The following CCDC18 variants were observed in gnomAD, a reference collection of about 807,000 sequenced individuals.
CCDC18 encodes the protein coiled-coil domain-containing protein 18.
In CCDC18, 157 loss-of-function variants were observed where a neutral mutation model predicts 196.0. That is an observed-to-expected ratio of 0.80 (90% confidence interval 0.70 to 0.91). The LOEUF is 0.91. Among genes scored for constraint, CCDC18 ranks in the 40% least tolerant of loss-of-function variants. The pLI is 0.00. For missense variants in CCDC18, 1,465 were observed against 1,611.6 expected (o/e 0.91, Z 1.56); for synonymous variants, 482 against 529.2 (o/e 0.91, Z 1.22).
chr1:93,230,359 G>C (rs1331348049), intron 17 of CCDC18, among the ~76,000 whole-genome samples: 1 of 151,672 alleles, frequency 6.6e-6, no homozygotes, highest in Non-Finnish European at 1.5e-5. Flanking sequence ...GGGCGTGGTG[G>C]TGGGCGCCTG....
intron 20 of CCDC18, 81 bp from the exon 21 acceptor site, chr1:93,239,602 T>C (rs1468930789): frequency 9.8e-6 from 13 of 1,326,094 alleles, no homozygotes; most frequent in Non-Finnish European, 1.4e-5. Flanking sequence ...TAGATGAATA[T>C]AATTGAATAT....
chr1:93,211,305 G>C (rs980513331), intron 10 of CCDC18, among the ~76,000 whole-genome samples: 1 of 150,266 alleles, frequency 6.7e-6, no homozygotes, highest in African/African-American at 2.4e-5. Context: ...CCTTAATTGA[G>C]GAATTTAAAA....
intron 17 of CCDC18, among the ~76,000 whole-genome samples, chr1:93,231,133 C>T (rs1287454184): frequency 6.6e-6 from 1 of 152,180 alleles, no homozygotes; most frequent in Non-Finnish European, 1.5e-5. Context: ...CCTTAATGTT[C>T]ACCTGCTGGA....
chr1:93,191,280 C>G (rs926463531), intron 4 of CCDC18, among the ~76,000 whole-genome samples: 8 of 152,194 alleles, frequency 5.3e-5, no homozygotes, highest in Non-Finnish European at 1.5e-5. Flanking sequence ...TTCTTCTGTT[C>G]AGTTTCTTCT....
In CCDC18 at chr1:93,201,899, C is replaced by T. The variant is rs200045120; in HGVS notation, c.706C>T (p.Arg236Ter). Residue 236 changes from arginine (R) to a stop codon, truncating the protein, a stop_gained, in exon 7 of 29, where the codon CGA becomes TGA. Coordinates refer to ENST00000690025, the MANE Select transcript of CCDC18 (RefSeq NM_001378204.1). LOFTEE classifies it high-confidence loss of function. ...TCTCTTTTTAAATTTTAGAGCTGAACGACAAAGGAATGAAGCACTATATAA... is the reference window on the plus strand; with the variant it reads ...TCTCTTTTTAAATTTTAGAGCTGAATGACAAAGGAATGAAGCACTATATAA... ...EQTKQGKRAERQRNEALYNAE... is the reference protein window; with the variant it reads ...EQTKQGKRAE 53 of 1,571,186 alleles carry T rather than the reference C, an allele frequency of 3.4e-5. No homozygotes were observed. Among genetic ancestry groups the T allele is most frequent in the East Asian group, 4.6e-5 (2 of 43,290 alleles).
In CCDC18 at chr1:93,246,911, C is replaced by T. The variant is rs769138889; in HGVS notation, c.3155C>T (p.Thr1052Ile). 3 of 1,508,664 alleles carry T rather than the reference C, an allele frequency of 2.0e-6. No homozygotes were observed. The highest frequency in any genetic ancestry group is 1.2e-5 in the South Asian group (1 of 83,186). 93.5% of individuals were successfully genotyped at this position (1,508,664 alleles called of 1,614,324 possible). ...CAAAAAATAATTAAATTAGAAGGTA[C>T]TCTGGAGAAATCAGAATTGGAACTT... ...MEQKIIKLEGTLEKSELELKE... is the reference protein window; with the variant it reads ...MEQKIIKLEGILEKSELELKE... Residue 1052 changes from threonine (T) to isoleucine (I), a missense_variant, in exon 23 of 29, where the codon ACT becomes ATT. Physicochemically the swap from Thr to Ile is moderately conservative, Grantham distance 89. Coordinates refer to ENST00000690025, the MANE Select transcript of CCDC18 (RefSeq NM_001378204.1).
Position 93,212,190 on chromosome 1 carries a change from A to G in CCDC18, c.1424A>G (p.Asn475Ser), listed in dbSNP as rs1655756484. 1 of 1,610,942 alleles carries G rather than the reference A, an allele frequency of 6.2e-7. No homozygotes were observed. The highest frequency in any genetic ancestry group is 8.5e-7 in the Non-Finnish European group (1 of 1,179,006). The change falls in exon 11 of 29, where the codon AAT (asparagine) becomes AGT (serine). Residue 475 changes from asparagine to serine, a missense_variant. Transcript: ENST00000690025. ...NQLSQSLITC[N>S]DSQESSKLSS... ...TTATCTCAGAGTCTTATTACTTGTA[A>G]TGACAGCCAAGAAAGTAGCAAATTA...
chr1:93,270,948 TTAAGTAAAA>T (rs1665206211), intron 28 of CCDC18, 134 bp downstream of exon 28: 1 of 1,389,944 alleles, frequency 7.2e-7, no homozygotes, highest in South Asian at 1.9e-5. Context: ...ATTTTATACA[TTAAGTAAAA>T]TCAATACCAA....
At chr1:93,241,387 C>G (rs1457633683) in intron 21 of CCDC18, among the ~76,000 whole-genome samples, 3 of 152,036 alleles carry the variant, frequency 2.0e-5, no homozygotes, top group Non-Finnish European at 4.4e-5. Context: ...TGACCCCCTC[C>G]CAACAATCCA....
At chr1:93,256,982 C>T (rs1663042836) in intron 25 of CCDC18, among the ~76,000 whole-genome samples, 1 of 151,962 alleles carries the variant, frequency 6.6e-6, no homozygotes. Flanking sequence ...AATCCCAGTA[C>T]TTTGGGAGGC....
intron 25 of CCDC18, among the ~76,000 whole-genome samples, chr1:93,258,543 A>T (rs1476118691): frequency 6.6e-6 from 1 of 152,170 alleles, no homozygotes; most frequent in Non-Finnish European, 1.5e-5. Context: ...TTTTATGATG[A>T]CAGCAAACAA....
chr1:93,187,117 C>CA (rs1307868004), intron 4 of CCDC18, among the ~76,000 whole-genome samples: 1 of 151,652 alleles, frequency 6.6e-6, no homozygotes, highest in East Asian at 1.9e-4. Context: ...TGGTATTACA[C>CA]AAAAAATTAG....
At chr1:93,197,510 A>ATG (rs368216833) in intron 6 of CCDC18, among the ~76,000 whole-genome samples, 396 of 151,374 alleles carry the variant, frequency 2.6e-3, no homozygotes, top group African/African-American at 8.6e-3. Flanking sequence ...GAATAAATAT[A>ATG]TGTGTGTGTG....
At chr1:93,219,165 A>T (rs1032239196) in intron 14 of CCDC18, among the ~76,000 whole-genome samples, 3 of 152,174 alleles carry the variant, frequency 2.0e-5, no homozygotes, top group African/African-American at 7.2e-5. Context: ...TCCACCTACA[A>T]ATTTAATGCC....
chr1:93,221,689 A>T lies in CCDC18; in HGVS notation c.2043A>T (p.Ile681=), dbSNP rs1329919440. 1 of 1,596,530 alleles carries T rather than the reference A, an allele frequency of 6.3e-7. No individual in the cohort carries two copies. The highest frequency in any genetic ancestry group is 1.4e-5 in the African/African-American group (1 of 73,846). ...KTMSMLQQDI[I]CKQHHLESLD... ...TGTCCATGTTGCAACAAGATATAAT[A>T]TGCAAACAACATCATCTTGAATCAC... The change falls in exon 15 of 29, where the codon ATA becomes ATT. Residue 681 remains isoleucine (I), a synonymous_variant. Transcript: ENST00000690025.
chr1:93,219,306 T>C (rs1027345403), intron 14 of CCDC18, among the ~76,000 whole-genome samples: 12 of 152,276 alleles, frequency 7.9e-5, no homozygotes, highest in African/African-American at 2.2e-4. Context: ...TTGTAGATCT[T>C]AGCAACCTCA....
At chr1:93,274,752 G>A (rs891199925) in intron 28 of CCDC18, among the ~76,000 whole-genome samples, 1 of 152,150 alleles carries the variant, frequency 6.6e-6, no homozygotes, top group Non-Finnish European at 1.5e-5. Context: ...GGAAGCTGAG[G>A]TGGGAGGATT....
rs752710974 is a variant in CCDC18 at position 93,210,830 on chromosome 1, CAT to C, written c.1241_1242del (p.Tyr414SerfsTer3). ...AAAAGAGAATTATTTGGCTTTAAAT[CAT>C]ATCTTTCTAAATACCAGATGAGTAG... On this transcript the variant is annotated frameshift_variant, in exon 10 of 29. Coordinates refer to ENST00000690025, the MANE Select transcript of CCDC18 (RefSeq NM_001378204.1). LOFTEE classifies it high-confidence loss of function. 6.2e-7 allele frequency: 1 copy of C among 1,603,088 alleles called. No homozygotes were observed. The highest frequency in any genetic ancestry group is 1.1e-5 in the South Asian group (1 of 90,738).
rs1207411836 is a variant in CCDC18, at chr1:93,248,002, TTTCC to T, written c.3198+1052_3198+1055del. On this transcript the variant is annotated intron_variant, in intron 23 of 28. Transcript: ENST00000690025. The stretch of plus-strand genomic sequence containing the variant: ...TTGTAAATGATCTTTACTGTGTTAT[TTTCC>T]TTCTTTTTTTTTTTTTTTTTTTTTT... 6.7e-5 allele frequency among the ~76,000 whole-genome samples: 10 copies of T among 149,842 alleles called. No individual in the cohort carries two copies. The East Asian group carries it at 1.9e-3, about 29-fold the overall frequency.
Sources: allele counts gnomAD v4.1 joint callset (sites outside exome capture counted in the v4.1 genomes callset), GRCh38; gene constraint gnomAD v4.1.1; transcripts MANE v1.5; gene names NCBI Gene and HGNC (gene_info 2026-07-23, HGNC 2026-07-21).